The following PPP3CA variants were observed in gnomAD, a reference collection of about 807,000 sequenced individuals.
The protein encoded by PPP3CA is CAM-PRP catalytic subunit.
PPP3CA carries 14 observed loss-of-function variants against 66.5 expected under a neutral mutation model. The observed-to-expected ratio is 0.21, with a 90% CI of 0.14 to 0.33. The LOEUF (loss-of-function observed/expected upper bound fraction) is 0.33. Ranked by LOEUF, PPP3CA falls within the 10% of genes least tolerant of loss-of-function variation. The pLI is 1.00. For synonymous variants in PPP3CA, 232 were observed against 226.2 expected, an observed-to-expected ratio of 1.03 and a Z score of -0.23; for missense variants, 317 against 639.5, an observed-to-expected ratio of 0.50 and a Z score of 5.44.
intron 8 of PPP3CA, among the ~76,000 whole-genome samples, chr4:101,070,758 C>T (rs1347363717): frequency 2.0e-5 from 3 of 152,232 alleles, no homozygotes; most frequent in African/African-American, 7.2e-5. Flanking sequence ...TTTTATAATT[C>T]CCACCTAATG....
chr4:101,194,567 A>T (rs1017447653), intron 2 of PPP3CA, among the ~76,000 whole-genome samples: 1 of 151,318 alleles, frequency 6.6e-6, no homozygotes, highest in Non-Finnish European at 1.5e-5. Flanking sequence ...ATACTATACA[A>T]TTTTTTTTTC....
At chr4:101,132,653 C>T (rs1325672833) in intron 2 of PPP3CA, among the ~76,000 whole-genome samples, 1 of 152,054 alleles carries the variant, frequency 6.6e-6, no homozygotes, top group African/African-American at 2.4e-5. Flanking sequence ...TATTCACAGC[C>T]GAATTCTACC....
chr4:101,219,224 T>C (rs1725548124), intron 1 of PPP3CA, among the ~76,000 whole-genome samples: 1 of 152,016 alleles, frequency 6.6e-6, no homozygotes, highest in Admixed American at 6.6e-5. Flanking sequence ...ATACTATGTA[T>C]AATCCAGATT....
intron 1 of PPP3CA, among the ~76,000 whole-genome samples, chr4:101,206,305 C>T (rs1467830814): frequency 6.6e-6 from 1 of 152,190 alleles, no homozygotes; most frequent in Non-Finnish European, 1.5e-5. Flanking sequence ...AATATTCTCT[C>T]AAATTTCATT....
intron 1 of PPP3CA, among the ~76,000 whole-genome samples, chr4:101,275,427 C>A (rs58898502): frequency 5.9e-5 from 9 of 152,196 alleles, no homozygotes; most frequent in African/African-American, 2.2e-4. Flanking sequence ...TTAAGAAACA[C>A]GGTTGCCAGT....
At chr4:101,198,592 C>A (rs1006907092) in intron 1 of PPP3CA, among the ~76,000 whole-genome samples, 7 of 152,174 alleles carry the variant, frequency 4.6e-5, no homozygotes, top group Admixed American at 3.9e-4. Context: ...TGGGTCTCTG[C>A]CACACATGCA....
intron 1 of PPP3CA, among the ~76,000 whole-genome samples, chr4:101,268,801 T>C (rs779004463): frequency 2.6e-5 from 4 of 152,050 alleles, no homozygotes; most frequent in African/African-American, 4.8e-5. Flanking sequence ...TAAGATAATA[T>C]GGGAAAAAAA....
intron 1 of PPP3CA, among the ~76,000 whole-genome samples, chr4:101,243,280 C>T (rs1257932588): frequency 6.6e-6 from 1 of 152,204 alleles, no homozygotes; most frequent in South Asian, 2.1e-4. Context: ...AACACATATC[C>T]TCACATAGTG....
At chr4:101,269,900 A>T in intron 1 of PPP3CA, among the ~76,000 whole-genome samples, 1 of 152,118 alleles carries the variant, frequency 6.6e-6, no homozygotes, top group Non-Finnish European at 1.5e-5. Flanking sequence ...TTTTTCCAGG[A>T]ACATGTGAAC....
intron 1 of PPP3CA, among the ~76,000 whole-genome samples, chr4:101,219,650 T>TA (rs1725562712): frequency 6.6e-6 from 1 of 151,826 alleles, no homozygotes; most frequent in African/African-American, 2.4e-5. Context: ...CTATTTTTTT[T>TA]AATTAAGGCA....
At chr4:101,294,593 C>T (rs1251778517) in intron 1 of PPP3CA, among the ~76,000 whole-genome samples, 5 of 151,972 alleles carry the variant, frequency 3.3e-5, no homozygotes, top group African/African-American at 4.8e-5. Context: ...TAAGAGTATG[C>T]TTTATGAATT....
chr4:101,111,153 G>A (rs1413333312), intron 2 of PPP3CA, among the ~76,000 whole-genome samples: 1 of 151,992 alleles, frequency 6.6e-6, no homozygotes, highest in African/African-American at 2.4e-5. Flanking sequence ...TCAAATTGTA[G>A]GAAACTTTAT....
intron 9 of PPP3CA, among the ~76,000 whole-genome samples, chr4:101,061,596 T>C (rs1728463033): frequency 6.6e-6 from 1 of 152,142 alleles, no homozygotes; most frequent in African/African-American, 2.4e-5. Context: ...CACGCCATTA[T>C]AGGCATGTGG....
intron 1 of PPP3CA, among the ~76,000 whole-genome samples, chr4:101,277,508 T>C (rs1257359036): frequency 6.6e-6 from 1 of 152,248 alleles, no homozygotes. Flanking sequence ...CATTTACTTA[T>C]GAATATTCAG....
chr4:101,297,724 C>G (rs970225108), intron 1 of PPP3CA, among the ~76,000 whole-genome samples: 1 of 152,186 alleles, frequency 6.6e-6, no homozygotes, highest in Non-Finnish European at 1.5e-5. Flanking sequence ...GAATATTCAT[C>G]TGGATAATGA....
chr4:101,165,649 G>A (rs766092444), intron 2 of PPP3CA, among the ~76,000 whole-genome samples: 2 of 152,086 alleles, frequency 1.3e-5, no homozygotes, highest in Non-Finnish European at 2.9e-5. Context: ...ACTTACATGT[G>A]TACATCAATA....
At position 101,188,355 on chromosome 4, in the gene PPP3CA, T is replaced by C. The variant is rs538503333; in HGVS notation, c.259+7561A>G. Among the ~76,000 whole-genome samples the C allele has an allele frequency of 9.2e-5, 14 of 152,236 alleles. No homozygotes were observed. In the East Asian group the frequency reaches 2.7e-3, roughly 29 times the overall value. On this transcript the variant is annotated intron_variant, in intron 2 of 13. Coordinates refer to ENST00000394854, the MANE Select transcript of PPP3CA (RefSeq NM_000944.5). Reference sequence around the variant, plus strand: ...GGTTAATCATTTGAGGCTTCCCTTATTTCTATCTAAAATTTTTCTTCCTAC... The same window carrying C: ...GGTTAATCATTTGAGGCTTCCCTTACTTCTATCTAAAATTTTTCTTCCTAC...
At chr4:101,033,629 T>G (rs3017893) in intron 11 of PPP3CA, among the ~76,000 whole-genome samples, 115,302 of 152,136 alleles carry the variant, frequency 0.76, 45,414 homozygotes, top group African/African-American at 0.89. Context: ...TAACAGCTTT[T>G]TTGAGATATA....
At chr4:101,158,927 G>C (rs754750464) in intron 2 of PPP3CA, among the ~76,000 whole-genome samples, 5 of 152,086 alleles carry the variant, frequency 3.3e-5, no homozygotes, top group Non-Finnish European at 7.4e-5. Flanking sequence ...CAGTAGTGAC[G>C]ATACTCCATT....
Sources: gnomAD v4.1 joint callset for allele counts (sites outside exome capture counted in the v4.1 genomes callset) on GRCh38, gnomAD v4.1.1 for gene constraint, MANE v1.5 for transcripts, NCBI Gene and HGNC (gene_info 2026-07-23, HGNC 2026-07-21) for gene names.